Variants in KANK1 observed in about 807,000 individuals in gnomAD.
KANK1 encodes KN motif and ankyrin repeat domains 1.
A neutral mutation model predicts 106.2 loss-of-function variants in KANK1; 109 were observed. That is an observed-to-expected ratio of 1.03 (90% CI 0.88 to 1.20). The LOEUF is 1.20. Ranked by LOEUF, KANK1 falls within the 50% of genes most tolerant of loss-of-function variation. The pLI is 0.00. For synonymous variants in KANK1, 873 were observed against 652.2 expected, an observed-to-expected ratio of 1.34 and a Z score of -5.16; for missense variants, 2,399 against 1,710.7, an observed-to-expected ratio of 1.40 and a Z score of -7.10.
At chr9:579,701 C>T (rs914405229) in intron 1 of KANK1, among the ~76,000 whole-genome samples, 5 of 152,056 alleles carry the variant, frequency 3.3e-5, no homozygotes, top group Non-Finnish European at 7.4e-5. Context: ...ACCCTGTGGC[C>T]CAGTCAGAAG....
At chr9:598,620 CTTTTTTTTTTTTTTTTTTTTT>C (rs3028166) in intron 1 of KANK1, among the ~76,000 whole-genome samples, 1 of 46,660 alleles carries the variant, frequency 2.1e-5, no homozygotes, top group Non-Finnish European at 4.3e-5. Context: ...TGTTGGTTTT[CTTTTTTTTTTTTTTTTTTTTT>C]TTTTTTTTTG....
upstream of KANK1, among the ~76,000 whole-genome samples, chr9:501,421 AAAAT>A (rs2058549072): frequency 2.0e-5 from 3 of 152,226 alleles, no homozygotes; most frequent in South Asian, 2.1e-4. Context: ...TTATAAAAAA[AAAAT>A]AGTGTTGCAT....
chr9:635,140 G>A (rs758231341), intron 1 of KANK1, among the ~76,000 whole-genome samples: 2 of 152,130 alleles, frequency 1.3e-5, no homozygotes, highest in Non-Finnish European at 2.9e-5. Context: ...TCAACCACCA[G>A]GACTACAGGG....
At chr9:602,123 G>A (rs532096191) in intron 1 of KANK1, among the ~76,000 whole-genome samples, 59 of 152,028 alleles carry the variant, frequency 3.9e-4, no homozygotes, top group Admixed American at 1.3e-3. Flanking sequence ...TTTATCAATG[G>A]AATAGATTAA....
intron 1 of KANK1, among the ~76,000 whole-genome samples, chr9:595,089 T>C (rs1326675284): frequency 6.6e-6 from 1 of 151,898 alleles, no homozygotes; most frequent in Non-Finnish European, 1.5e-5. Flanking sequence ...AATAATCACA[T>C]TGAAATAGCC....
rs184585076 is a variant in KANK1, at chr9:731,275, A to T, written c.3005+9A>T. ...GTTGGCATTAATGGAGGGTAAGGAA[A>T]GATGGTGGTTCTAGAGGCTAATGCT... On this transcript the variant is annotated intron_variant, in intron 5 of 11. Transcript: ENST00000382297. 4.0e-4 allele frequency: 605 copies of T among 1,521,202 alleles called. 11 individuals carry two copies. The highest frequency in any genetic ancestry group is 3.1e-3 in the South Asian group (273 of 88,540). The allele number at this position is 1,521,202 out of a possible 1,614,324, so 94.2% of individuals were successfully genotyped here.
upstream of KANK1, among the ~76,000 whole-genome samples, chr9:501,650 C>T (rs1178536913): frequency 4.6e-5 from 7 of 151,062 alleles, no homozygotes; most frequent in Non-Finnish European, 1.0e-4. Flanking sequence ...ACCCCAATTG[C>T]TTGATATGAT....
Position 712,297 on chromosome 9 carries a change from G to C in KANK1, c.1531G>C (p.Val511Leu), listed in dbSNP as rs1826359777. 1.2e-6 allele frequency: 2 copies of C among 1,614,222 alleles called. No homozygotes were observed. The highest frequency in any genetic ancestry group is 1.7e-6 in the Non-Finnish European group (2 of 1,180,044). ...VDKATMAQPL[V>L]FSKVVEAVVQ... ...CAAAGCCACGATGGCCCAGCCGCTT[G>C]TTTTCAGTAAGGTGGTGGAGGCAGT... Residue 511 changes from valine to leucine, a missense_variant, in exon 3 of 12, where the codon GTT becomes CTT. By Grantham distance (32) the Val-to-Leu change is conservative. Coordinates refer to ENST00000382297, the MANE Select transcript of KANK1 (RefSeq NM_015158.5).
chr9:509,401 A>G (rs1238502636), intron 1 of KANK1, among the ~76,000 whole-genome samples: 1 of 152,128 alleles, frequency 6.6e-6, no homozygotes, highest in Non-Finnish European at 1.5e-5. Context: ...AATATGACCT[A>G]TATTTACCCC....
chr9:563,190 C>CTT (rs35709800), intron 1 of KANK1, among the ~76,000 whole-genome samples: 1 of 149,348 alleles, frequency 6.7e-6, no homozygotes, highest in Admixed American at 6.6e-5. Context: ...TTTTGTCAGA[C>CTT]TTTTTTTTTT....
chr9:736,305 T>G (rs1833794733), intron 7 of KANK1, among the ~76,000 whole-genome samples: 1 of 152,168 alleles, frequency 6.6e-6, no homozygotes, highest in African/African-American at 2.4e-5. Flanking sequence ...GTTGTTATAC[T>G]GTATTGTTTT....
intron 3 of KANK1, among the ~76,000 whole-genome samples, chr9:716,799 A>G (rs1190067981): frequency 6.6e-6 from 1 of 152,170 alleles, no homozygotes; most frequent in East Asian, 1.9e-4. Flanking sequence ...ACGTAGTGAG[A>G]CCTTGTCTCT....
intron 1 of KANK1, among the ~76,000 whole-genome samples, chr9:575,569 A>G (rs1820332173): frequency 6.6e-6 from 1 of 150,796 alleles, no homozygotes; most frequent in African/African-American, 2.4e-5. Flanking sequence ...TGCTCAGGAG[A>G]CTGAGGTGGG....
chr9:661,951 C>T (rs34001273), intron 1 of KANK1, among the ~76,000 whole-genome samples: 6,918 of 152,108 alleles, frequency 0.045, 422 homozygotes, highest in East Asian at 0.22. Flanking sequence ...TCATGTCCTT[C>T]GCCCACTTTT....
intron 1 of KANK1, among the ~76,000 whole-genome samples, chr9:624,581 T>A (rs957738034): frequency 6.6e-6 from 1 of 152,006 alleles, no homozygotes; most frequent in African/African-American, 2.4e-5. Context: ...AGGTGGGTGA[T>A]CACTTGAGAT....
chr9:600,334 A>T (rs934003149), intron 1 of KANK1, among the ~76,000 whole-genome samples: 2 of 151,758 alleles, frequency 1.3e-5, no homozygotes, highest in Non-Finnish European at 2.9e-5. Flanking sequence ...AATGTCCTCA[A>T]GGGTCATCTA....
intron 1 of KANK1, among the ~76,000 whole-genome samples, chr9:562,533 A>G (rs894274066): frequency 2.6e-5 from 4 of 152,158 alleles, no homozygotes; most frequent in African/African-American, 9.7e-5. Flanking sequence ...GTGCACTGAG[A>G]TTATCAGCAA....
At chr9:688,383 A>G (rs868551641) in intron 2 of KANK1, among the ~76,000 whole-genome samples, 6 of 152,214 alleles carry the variant, frequency 3.9e-5, no homozygotes, top group Admixed American at 6.5e-5. Context: ...AGGCAGGCAG[A>G]TCAGTTGAAG....
rs749196062 is a variant in KANK1, at chr9:712,725, G to T, written c.1959G>T (p.Glu653Asp). 6.2e-7 allele frequency: 1 copy of T among 1,613,958 alleles called. No individual in the cohort carries two copies. Among genetic ancestry groups the T allele is most frequent in the Admixed American group, 1.7e-5 (1 of 59,976 alleles). ...GCGCCTCCCGGGGCGTGAACACTGA[G>T]GCTGTTAGCCAGGTGGAAGCTGCCG... ...KECASRGVNTEAVSQVEAAVM... is the reference protein window; with the variant it reads ...KECASRGVNTDAVSQVEAAVM... The change falls in exon 3 of 12, where the codon GAG becomes GAT. Residue 653 changes from glutamate (E) to aspartate (D), a missense_variant. Glu to Asp is a conservative substitution (Grantham distance 45). Transcript: ENST00000382297.
Sources: gnomAD v4.1 joint callset for allele counts (sites outside exome capture counted in the v4.1 genomes callset) on GRCh38, gnomAD v4.1.1 for gene constraint, MANE v1.5 for transcripts, NCBI Gene and HGNC (gene_info 2026-07-23, HGNC 2026-07-21) for gene names.